Variants in CEP85L observed in about 807,000 individuals in gnomAD.
CEP85L encodes centrosomal protein 85L.
Under a neutral mutation model 100.3 loss-of-function variants are expected in CEP85L, and 60 were observed. That is an observed-to-expected ratio of 0.60 (90% CI 0.49 to 0.74). CEP85L has a LOEUF of 0.74. CEP85L is among the 30% of genes least tolerant of loss of function. The pLI is 0.00. For missense variants in CEP85L, 973 were observed against 936.2 expected, an observed-to-expected ratio of 1.04 and a Z score of -0.51; for synonymous variants, 319 against 322.7, an observed-to-expected ratio of 0.99 and a Z score of 0.12.
intron 5 of CEP85L, among the ~76,000 whole-genome samples, chr6:118,507,714 A>G (rs893405014): frequency 3.3e-5 from 5 of 152,150 alleles, no homozygotes; most frequent in African/African-American, 4.8e-5. Flanking sequence ...TATGCCATAC[A>G]CTATGCCTCA....
In CEP85L at chr6:118,565,685, A is replaced by G; in HGVS notation, c.864T>C (p.Val288=). The G allele has an allele frequency of 6.2e-7, 1 of 1,614,112 alleles. No homozygotes were observed. The highest frequency in any genetic ancestry group is 8.5e-7 in the Non-Finnish European group (1 of 1,180,018). The change falls in exon 3 of 13, where the codon GTT becomes GTC. Residue 288 remains valine, a synonymous_variant. Coordinates refer to ENST00000368491, the MANE Select transcript of CEP85L (RefSeq NM_001042475.3). ...GAGTCCTTACGGAAGGCTGAATGGG[A>G]ACTCCACCTACTGCCTGTTGACCAA... ...LMLGQQAVGG[V]PIQPSVRTQM...
At chr6:118,519,559 T>C (rs1776523844) in intron 4 of CEP85L, among the ~76,000 whole-genome samples, 1 of 6,062 alleles carries the variant, frequency 1.6e-4, no homozygotes, top group African/African-American at 4.4e-4. Context: ...TGTGTGTGTG[T>C]GTGTGTGTGT....
At chr6:118,580,915 C>T (rs1031120571) in intron 2 of CEP85L, among the ~76,000 whole-genome samples, 10 of 152,084 alleles carry the variant, frequency 6.6e-5, no homozygotes, top group African/African-American at 2.4e-4. Flanking sequence ...GACAGTGAGC[C>T]TCTCTCTCTC....
intron 3 of CEP85L, among the ~76,000 whole-genome samples, chr6:118,556,618 T>C (rs1186065003): frequency 1.3e-5 from 2 of 152,150 alleles, no homozygotes; most frequent in South Asian, 2.1e-4. Flanking sequence ...GGCTAACAGG[T>C]TGAGATGGGC....
chr6:118,565,699 C>T lies in CEP85L; in HGVS notation c.850G>A (p.Ala284Thr), dbSNP rs1370305665. 1 of 1,614,204 alleles carries T rather than the reference C, an allele frequency of 6.2e-7. No homozygotes were observed. Among genetic ancestry groups the T allele is most frequent in the African/African-American group, 1.3e-5 (1 of 75,050 alleles). ...GGCTGAATGGGAACTCCACCTACTG[C>T]CTGTTGACCAAGCATTAAATATTTT... is the stretch of plus-strand genomic sequence containing the variant. ...PPKYLMLGQQ[A>T]VGGVPIQPSV... is the part of the protein sequence containing the mutation. Residue 284 changes from alanine (A) to threonine (T), a missense_variant, in exon 3 of 13, where the codon GCA becomes ACA. Ala to Thr is a moderately conservative substitution (Grantham distance 58). This residue lies in a region of CEP85L where 890 missense variants were observed against 844.5 expected (regional missense o/e 1.05). Coordinates refer to ENST00000368491, the MANE Select transcript of CEP85L (RefSeq NM_001042475.3).
At chr6:118,708,886 G>A (rs531093652) in intron 1 of CEP85L, among the ~76,000 whole-genome samples, 3 of 152,136 alleles carry the variant, frequency 2.0e-5, no homozygotes, top group African/African-American at 7.2e-5. Flanking sequence ...TTAATGACAA[G>A]GCAAAACCAT....
chr6:118,554,537 T>C (rs938630505), intron 3 of CEP85L, among the ~76,000 whole-genome samples: 9 of 152,196 alleles, frequency 5.9e-5, no homozygotes, highest in African/African-American at 2.2e-4. Context: ...GCATACCAAT[T>C]ATGCACTAAG....
At chr6:118,566,575 G>A (rs1312557745) in intron 2 of CEP85L, among the ~76,000 whole-genome samples, 5 of 152,092 alleles carry the variant, frequency 3.3e-5, no homozygotes, top group Non-Finnish European at 4.4e-5. Context: ...CTGCCAGCAC[G>A]CCCGACTAAT....
chr6:118,572,463 T>A (rs967321342), intron 2 of CEP85L, among the ~76,000 whole-genome samples: 1 of 151,802 alleles, frequency 6.6e-6, no homozygotes, highest in Admixed American at 6.6e-5. Flanking sequence ...TCCCAGCTAC[T>A]TGGGAGGCTG....
At chr6:118,506,410 C>A (rs145092628) in intron 5 of CEP85L, among the ~76,000 whole-genome samples, 1 of 152,026 alleles carries the variant, frequency 6.6e-6, no homozygotes. Context: ...CATAACCTGG[C>A]GTGAACTGAA....
At chr6:118,567,209 ATGTGTGTG>A (rs68047463) in intron 2 of CEP85L, among the ~76,000 whole-genome samples, 1,003 of 89,134 alleles carry the variant, frequency 0.011, 8 homozygotes, top group Non-Finnish European at 0.013. Context: ...ATATATATGT[ATGTGTGTG>A]TGTGTGTGTG....
intron 3 of CEP85L, among the ~76,000 whole-genome samples, chr6:118,536,461 T>C (rs1366573368): frequency 6.6e-6 from 1 of 152,178 alleles, no homozygotes; most frequent in Non-Finnish European, 1.5e-5. Context: ...TTACTGTATG[T>C]TAGACATCAA....
chr6:118,577,858 A>G (rs1022480061), intron 2 of CEP85L, among the ~76,000 whole-genome samples: 5 of 152,194 alleles, frequency 3.3e-5, no homozygotes, highest in African/African-American at 1.2e-4. Context: ...CTCCCCTTGC[A>G]ATTATTATAG....
intron 3 of CEP85L, among the ~76,000 whole-genome samples, chr6:118,563,760 T>C (rs577490972): frequency 2.6e-4 from 39 of 152,194 alleles, no homozygotes; most frequent in African/African-American, 9.4e-4. Context: ...CAGAAGTCAA[T>C]GTTTCAAAGA....
chr6:118,508,158 G>A (rs1562211285), intron 5 of CEP85L, among the ~76,000 whole-genome samples: 1 of 152,020 alleles, frequency 6.6e-6, no homozygotes, highest in African/African-American at 2.4e-5. Context: ...TTGTTGAGGA[G>A]GCTCATTTGC....
chr6:118,529,284 T>C (rs1366705807), intron 3 of CEP85L, among the ~76,000 whole-genome samples: 1 of 152,158 alleles, frequency 6.6e-6, no homozygotes, highest in African/African-American at 2.4e-5. Context: ...TGTTTTTATA[T>C]GTATCACATA....
chr6:118,533,510 C>T (rs575103482), intron 3 of CEP85L, among the ~76,000 whole-genome samples: 1 of 152,158 alleles, frequency 6.6e-6, no homozygotes, highest in East Asian at 1.9e-4. Flanking sequence ...AATTGTTACA[C>T]TGTAGGATTC....
At chr6:118,526,467 A>G (rs185076719) in intron 3 of CEP85L, among the ~76,000 whole-genome samples, 85 of 152,286 alleles carry the variant, frequency 5.6e-4, no homozygotes, top group African/African-American at 2.0e-3. Flanking sequence ...CCAGTTAAAC[A>G]CTACCTACAA....
chr6:118,502,060 C>A, intron 5 of CEP85L: 1 of 846,374 alleles, frequency 1.2e-6, no homozygotes, highest in Non-Finnish European at 1.9e-6. Flanking sequence ...GGGACTTCCC[C>A]ATCCTGTGGA....
Sources: allele counts gnomAD v4.1 joint callset (sites outside exome capture counted in the v4.1 genomes callset), GRCh38; gene constraint gnomAD v4.1.1; regional missense constraint gnomAD v4.1.1; transcripts MANE v1.5; gene names NCBI Gene and HGNC (gene_info 2026-07-23, HGNC 2026-07-21).